The following PHACTR2 variants were observed in gnomAD, a reference collection of about 807,000 sequenced individuals.
PHACTR2 encodes the protein chromosome 6 open reading frame 56.
PHACTR2 carries 30 observed loss-of-function variants against 76.0 expected under a neutral mutation model. The ratio of observed to expected loss-of-function variants is 0.39; its 90% CI spans 0.30 to 0.54. The LOEUF is 0.54. Ranked by LOEUF, PHACTR2 falls within the 20% of genes least tolerant of loss-of-function variation. PHACTR2 has a pLI of 0.61. For missense variants in PHACTR2, 696 were observed against 781.1 expected, an observed-to-expected ratio of 0.89 and a Z score of 1.30; for synonymous variants, 292 against 292.5, an observed-to-expected ratio of 1.00 and a Z score of 0.02.
intron 2 of PHACTR2, among the ~76,000 whole-genome samples, chr6:143,735,620 T>A (rs1032327560): frequency 9.3e-5 from 14 of 150,448 alleles, no homozygotes; most frequent in Middle Eastern, 3.4e-3. Flanking sequence ...CCCTCTGTAA[T>A]GTTTTTTTAA....
chr6:143,629,455 C>A (rs1197644876), intron 1 of PHACTR2, among the ~76,000 whole-genome samples: 1 of 152,160 alleles, frequency 6.6e-6, no homozygotes, highest in Non-Finnish European at 1.5e-5. Flanking sequence ...TTATTCCAAA[C>A]TAACCAGTAC....
In PHACTR2 at chr6:143,783,004, C is replaced by CTTGTGTGT. The variant is rs1428309329; in HGVS notation, c.1646-215_1646-214insTTGTGTGT. Among the ~76,000 whole-genome samples the CTTGTGTGT allele has an allele frequency of 2.4e-5, 1 of 41,756 alleles. No homozygotes were observed. Among genetic ancestry groups the CTTGTGTGT allele is most frequent in the South Asian group, 1.0e-3 (1 of 976 alleles). The allele number at this position is 41,756 out of a possible 152,430, so 27.4% of individuals were successfully genotyped here. ...AAGCAAACCAGTCCTACAAAAAAAG[C>CTTGTGTGT]ATGTGTGTGTGTGTGTGTGTGTGTG... On this transcript the variant is annotated intron_variant, in intron 9 of 12. Transcript: ENST00000440869. This position sits in a 1 kb window ranked among gnomAD's most constrained non-coding sequence, Gnocchi z 5.2.
At chr6:143,673,181 A>T (rs1212130836), upstream of PHACTR2, among the ~76,000 whole-genome samples, 1 of 152,170 alleles carries the variant, frequency 6.6e-6, no homozygotes, top group East Asian at 1.9e-4. Flanking sequence ...GCCCATGGGA[A>T]GTCCTCAGTC....
intron 1 of PHACTR2, among the ~76,000 whole-genome samples, chr6:143,638,543 CA>C (rs775356198): frequency 0.017 from 2,190 of 126,070 alleles, 33 homozygotes; most frequent in African/African-American, 0.046. Context: ...GACCTTGTCT[CA>C]AAAAAAAAAA....
rs1171610528 is a variant in PHACTR2 at position 143,641,750 on chromosome 6, C to T, written c.13+33428C>T. ...TGAACTCCCAACCTCAGGTGATCCACTGGCCTCAGCCTCCGAAAGTGCTGG... is the reference window on the plus strand; with the variant it reads ...TGAACTCCCAACCTCAGGTGATCCATTGGCCTCAGCCTCCGAAAGTGCTGG... On this transcript the variant is annotated intron_variant, in intron 1 of 11. Coordinates refer to the PHACTR2 transcript ENST00000305766. The surrounding 1 kb of genome is among the most constrained non-coding windows in gnomAD (Gnocchi z 5.8). 6.6e-6 allele frequency among the ~76,000 whole-genome samples: 1 copy of T among 152,196 alleles called. No homozygotes were observed. Among genetic ancestry groups the T allele is most frequent in the East Asian group, 1.9e-4 (1 of 5,192 alleles).
Position 143,616,780 on chromosome 6 carries a change from G to A in PHACTR2, c.13+8458G>A, listed in dbSNP as rs772083489. 2.2e-4 allele frequency among the ~76,000 whole-genome samples: 33 copies of A among 152,278 alleles called. No individual in the cohort carries two copies. The highest frequency in any genetic ancestry group is 5.2e-4 in the Admixed American group (8 of 15,302). On this transcript the variant is annotated intron_variant, in intron 1 of 11. Transcript: ENST00000305766. The surrounding 1 kb of genome is among the most constrained non-coding windows in gnomAD (Gnocchi z 4.9). ...TTGGGGTGGAGGCTACGCCAGACTC[G>A]GTAGTCAGAGAAAGCTTCCTAAGGA... is the stretch of plus-strand genomic sequence containing the variant.
chr6:143,592,892 A>T lies in PHACTR2; in HGVS notation c.217+55685A>T, dbSNP rs1775708190. On this transcript the variant is annotated intron_variant, in intron 1 of 11. Transcript: ENST00000367584. This position sits in a 1 kb window ranked among gnomAD's most constrained non-coding sequence, Gnocchi z 4.0. Reference sequence around the variant, plus strand: ...CGAAACCCTGTCTCTACAAAAAATAAAAAAAAATAGCCGGACATGGTGACA... The same window carrying T: ...CGAAACCCTGTCTCTACAAAAAATATAAAAAAATAGCCGGACATGGTGACA... Among the ~76,000 whole-genome samples, 2 of 151,376 alleles carry T rather than the reference A, an allele frequency of 1.3e-5. No homozygotes were observed. Among genetic ancestry groups the T allele is most frequent in the Non-Finnish European group, 2.9e-5 (2 of 67,842 alleles).
chr6:143,799,346 T>G (rs1198709315), intron 11 of PHACTR2, among the ~76,000 whole-genome samples: 1 of 152,234 alleles, frequency 6.6e-6, no homozygotes, highest in Non-Finnish European at 1.5e-5. Context: ...GTTCCTGGAT[T>G]CATTGATTTT....
intron 1 of PHACTR2, among the ~76,000 whole-genome samples, chr6:143,649,615 G>A (rs1776721051): frequency 6.6e-6 from 1 of 152,184 alleles, no homozygotes. Context: ...CTCAATAGAT[G>A]CAGAAAAGGC....
intron 2 of PHACTR2, among the ~76,000 whole-genome samples, chr6:143,720,629 C>G (rs557484023): frequency 6.6e-6 from 1 of 152,286 alleles, no homozygotes; most frequent in South Asian, 2.1e-4. Flanking sequence ...GTTGTTGAGA[C>G]AGGATCTCAC....
chr6:143,692,507 T>A (rs2128456397), intron 1 of PHACTR2, among the ~76,000 whole-genome samples: 1 of 152,282 alleles, frequency 6.6e-6, no homozygotes, highest in East Asian at 1.9e-4. Flanking sequence ...GCCAATTTTT[T>A]AAAGAAAACA....
rs1038660947 is a variant in PHACTR2, at chr6:143,667,401, A to T, written c.14-44615A>T. Among the ~76,000 whole-genome samples the T allele has an allele frequency of 7.2e-5, 11 of 152,102 alleles. No individual in the cohort carries two copies. The South Asian group carries it at 1.0e-3, about 14-fold the overall frequency. On this transcript the variant is annotated intron_variant, in intron 1 of 11. Transcript: ENST00000305766. ...TATATGAAATTTAAAGTAGTTTTTT[A>T]AAAATTCTTTGAAGTCAGTGGTAGC...
intron 2 of PHACTR2, among the ~76,000 whole-genome samples, chr6:143,721,520 A>G (rs1404398049): frequency 6.6e-6 from 1 of 152,190 alleles, no homozygotes; most frequent in African/African-American, 2.4e-5. Context: ...CAGCCCTGAT[A>G]ACATGCAGTC....
intron 2 of PHACTR2, among the ~76,000 whole-genome samples, chr6:143,726,830 T>G (rs553435039): frequency 2.0e-5 from 3 of 152,322 alleles, no homozygotes; most frequent in East Asian, 3.9e-4. Context: ...ATACATAATA[T>G]TTGTGTATAT....
chr6:143,779,721 C>T (rs562233463), intron 9 of PHACTR2, among the ~76,000 whole-genome samples: 1 of 152,014 alleles, frequency 6.6e-6, no homozygotes, highest in African/African-American at 2.4e-5. Flanking sequence ...TTTTAGAGCC[C>T]ATCACTAGTT....
chr6:143,545,013 A>T (rs1201188877), intron 1 of PHACTR2, among the ~76,000 whole-genome samples: 1 of 151,300 alleles, frequency 6.6e-6, no homozygotes, highest in Non-Finnish European at 1.5e-5. Context: ...GTGCCATCTC[A>T]GCTCACTACA....
In PHACTR2 at chr6:143,571,043, T is replaced by C. The variant is rs1775441165; in HGVS notation, c.217+33836T>C. Reference sequence around the variant, plus strand: ...TTTTAGCTGCTGCAAAACTGGTACATGGAGTTCTCGTATACTCTTCACCTG... The same window carrying C: ...TTTTAGCTGCTGCAAAACTGGTACACGGAGTTCTCGTATACTCTTCACCTG... On this transcript the variant is annotated intron_variant, in intron 1 of 11. Transcript: ENST00000367584. This position sits in a 1 kb window ranked among gnomAD's most constrained non-coding sequence, Gnocchi z 4.6. Among the ~76,000 whole-genome samples the C allele has an allele frequency of 6.6e-6, 1 of 152,198 alleles. No homozygotes were observed. Among genetic ancestry groups the C allele is most frequent in the Non-Finnish European group, 1.5e-5 (1 of 68,046 alleles).
chr6:143,741,828 G>A (rs180788257), intron 2 of PHACTR2, among the ~76,000 whole-genome samples: 6 of 152,190 alleles, frequency 3.9e-5, no homozygotes, highest in African/African-American at 9.6e-5. Flanking sequence ...GAGGCTGGGC[G>A]CAGTGGCTCA....
chr6:143,574,490 A>G (rs1775483371), intron 1 of PHACTR2, among the ~76,000 whole-genome samples: 1 of 152,190 alleles, frequency 6.6e-6, no homozygotes, highest in Non-Finnish European at 1.5e-5. Flanking sequence ...CTCAACATTG[A>G]TACCTCTCAT....
Sources: allele counts gnomAD v4.1 joint callset (sites outside exome capture counted in the v4.1 genomes callset), GRCh38; gene constraint gnomAD v4.1.1; non-coding constraint Gnocchi (gnomAD v3.1); transcripts MANE v1.5; gene names NCBI Gene and HGNC (gene_info 2026-07-23, HGNC 2026-07-21).